SIPA1L1: variants seen among roughly 807,000 people sequenced by gnomAD.
The protein encoded by SIPA1L1 is signal-induced proliferation-associated 1-like protein 1.
SIPA1L1 carries 26 observed loss-of-function variants against 162.7 expected under a neutral mutation model. The observed-to-expected ratio is 0.16, with a 90% CI of 0.12 to 0.22. The LOEUF is 0.22. Among genes scored for constraint, SIPA1L1 ranks in the 10% least tolerant of loss-of-function variants. The probability of loss-of-function intolerance (pLI) is 1.00; values close to 1 mark genes in which losing one functional copy is unlikely to be tolerated. For synonymous variants in SIPA1L1, 829 were observed against 837.4 expected (o/e 0.99, Z 0.17); for missense variants, 1,874 against 2,241.0 (o/e 0.84, Z 3.31).
chr14:71,716,041 G>A (rs1366072909), intron 17 of SIPA1L1, among the ~76,000 whole-genome samples: 4 of 152,064 alleles, frequency 2.6e-5, no homozygotes, highest in African/African-American at 9.7e-5. Flanking sequence ...GTATTAATAT[G>A]CCCTTATACT....
chr14:71,660,367 G>A (rs961952569), intron 9 of SIPA1L1, among the ~76,000 whole-genome samples: 1 of 151,980 alleles, frequency 6.6e-6, no homozygotes, highest in Non-Finnish European at 1.5e-5. Flanking sequence ...GGTTAAAAGT[G>A]CATTTCCTGA....
chr14:71,584,698 G>T (rs1391414549), intron 4 of SIPA1L1, among the ~76,000 whole-genome samples: 1 of 152,158 alleles, frequency 6.6e-6, no homozygotes, highest in African/African-American at 2.4e-5. Context: ...ACTAAACTGT[G>T]GGCCCTCTAG....
chr14:71,608,897 A>C (rs2037850464), intron 5 of SIPA1L1, among the ~76,000 whole-genome samples: 1 of 152,208 alleles, frequency 6.6e-6, no homozygotes, highest in Non-Finnish European at 1.5e-5. Context: ...GTCTCAAAAA[A>C]CAAAACAAAA....
rs529623288 is a variant in SIPA1L1 at position 71,600,438 on chromosome 14, T to A, written c.1498+11068T>A. Among the ~76,000 whole-genome samples the A allele has an allele frequency of 3.9e-5, 6 of 152,342 alleles. No individual in the cohort carries two copies. In the East Asian group the frequency reaches 1.2e-3, roughly 29 times the overall value. Reference sequence around the variant, plus strand: ...ATGAATTTTTCTGTATTCTGGATTCTGTTCCATTGGTCTTTGTGTCTGTTT... The same window carrying A: ...ATGAATTTTTCTGTATTCTGGATTCAGTTCCATTGGTCTTTGTGTCTGTTT... On this transcript the variant is annotated intron_variant, in intron 5 of 23. Coordinates refer to ENST00000381232, the MANE Select transcript of SIPA1L1 (RefSeq NM_001386936.1).
chr14:71,347,432 T>C (rs1244905096), intron 2 of SIPA1L1, among the ~76,000 whole-genome samples: 1 of 152,244 alleles, frequency 6.6e-6, no homozygotes, highest in Non-Finnish European at 1.5e-5. Flanking sequence ...ACTTTTTGGC[T>C]ATTAAGAATA....
chr14:71,469,176 C>T (rs1024873394), intron 2 of SIPA1L1, among the ~76,000 whole-genome samples: 1 of 151,216 alleles, frequency 6.6e-6, no homozygotes, highest in Non-Finnish European at 1.5e-5. Context: ...TCTCTGAGAC[C>T]TTACCCATCC....
chr14:71,649,967 C>CT (rs1340305402), intron 7 of SIPA1L1, among the ~76,000 whole-genome samples: 5 of 152,028 alleles, frequency 3.3e-5, no homozygotes, highest in African/African-American at 1.2e-4. Context: ...AAAGACCTCC[C>CT]TTTTAAAAGG....
intron 2 of SIPA1L1, among the ~76,000 whole-genome samples, chr14:71,451,553 T>A (rs1206123236): frequency 1.3e-5 from 2 of 150,202 alleles, no homozygotes; most frequent in Non-Finnish European, 3.0e-5. Context: ...GAGGATCACT[T>A]GAGCCCAGGA....
chr14:71,509,147 T>C (rs2050910201), intron 2 of SIPA1L1, among the ~76,000 whole-genome samples: 1 of 152,214 alleles, frequency 6.6e-6, no homozygotes, highest in East Asian at 1.9e-4. Flanking sequence ...GGGTTTGTCC[T>C]CGTGCTGTTT....
chr14:71,417,204 G>T (rs988329741), intron 2 of SIPA1L1, among the ~76,000 whole-genome samples: 2 of 152,028 alleles, frequency 1.3e-5, no homozygotes, highest in Middle Eastern at 3.2e-3. Flanking sequence ...CTAGAGAGAA[G>T]AAAATGTTAT....
At chr14:71,472,081 C>T (rs901276715) in intron 2 of SIPA1L1, among the ~76,000 whole-genome samples, 3 of 152,128 alleles carry the variant, frequency 2.0e-5, no homozygotes, top group Non-Finnish European at 4.4e-5. Context: ...TGAGAGCACT[C>T]TTCAGGGACC....
chr14:71,515,847 G>A (rs1286217847), intron 3 of SIPA1L1, among the ~76,000 whole-genome samples: 2 of 152,128 alleles, frequency 1.3e-5, no homozygotes, highest in East Asian at 3.8e-4. Context: ...TTACCATGTT[G>A]GCCAGGCTGG....
chr14:71,425,805 C>A (rs186415868), intron 2 of SIPA1L1, among the ~76,000 whole-genome samples: 8 of 152,016 alleles, frequency 5.3e-5, no homozygotes. Flanking sequence ...ATTGATGTCT[C>A]CAACTATTAT....
chr14:71,459,282 T>G (rs2046410711), intron 2 of SIPA1L1, among the ~76,000 whole-genome samples: 1 of 152,120 alleles, frequency 6.6e-6, no homozygotes, highest in South Asian at 2.1e-4. Context: ...AATGGTGGCT[T>G]CTTTTAAGTC....
chr14:71,332,097 G>A (rs2034610553), intron 2 of SIPA1L1, among the ~76,000 whole-genome samples: 1 of 152,164 alleles, frequency 6.6e-6, no homozygotes, highest in African/African-American at 2.4e-5. Flanking sequence ...GTATGTAGTA[G>A]GCCTACCATA....
rs138931294 is a variant in SIPA1L1 at position 71,724,712 on chromosome 14, G to A, written c.4491G>A (p.Leu1497=). 5.6e-6 allele frequency: 9 copies of A among 1,614,174 alleles called. No homozygotes were observed. The highest frequency in any genetic ancestry group is 5.0e-5 in the Admixed American group (3 of 60,012). ...SDGNEIAHTR[L]RASTRDLRAS... ...GCAATGAAATAGCCCACACCAGGCT[G>A]CGTGCCTCAACCAGAGACCTCCGGG... The change falls in exon 19 of 24, where the codon CTG becomes CTA. Residue 1497 remains leucine, a synonymous_variant. Coordinates refer to ENST00000381232, the MANE Select transcript of SIPA1L1 (RefSeq NM_001386936.1).
intron 7 of SIPA1L1, among the ~76,000 whole-genome samples, chr14:71,632,287 TC>T (rs935675779): frequency 6.6e-6 from 1 of 152,126 alleles, no homozygotes; most frequent in African/African-American, 2.4e-5. Context: ...TGCTCATATA[TC>T]CCAGTCTTGG....
chr14:71,712,305 C>T (rs940844438), intron 17 of SIPA1L1, among the ~76,000 whole-genome samples: 2 of 152,094 alleles, frequency 1.3e-5, no homozygotes, highest in African/African-American at 4.8e-5. Flanking sequence ...TACATTAATA[C>T]AGGTTGGTAA....
chr14:71,643,810 T>G (rs1039412068), intron 7 of SIPA1L1, among the ~76,000 whole-genome samples: 1 of 152,212 alleles, frequency 6.6e-6, no homozygotes, highest in Non-Finnish European at 1.5e-5. Context: ...TTTTTGTGTG[T>G]GTGTTTTTTT....
Sources: gnomAD v4.1 joint callset for allele counts (sites outside exome capture counted in the v4.1 genomes callset) on GRCh38, gnomAD v4.1.1 for gene constraint, MANE v1.5 for transcripts, NCBI Gene and HGNC (gene_info 2026-07-23, HGNC 2026-07-21) for gene names.